EHBP1: variants seen among roughly 807,000 people sequenced by gnomAD.
The protein encoded by EHBP1 is EH domain-binding protein 1.
Under a neutral mutation model 144.0 loss-of-function variants are expected in EHBP1, and 55 were observed. That is an observed-to-expected ratio of 0.38 (90% CI 0.31 to 0.48). The LOEUF (loss-of-function observed/expected upper bound fraction) is 0.48, where lower values mean the gene tolerates loss of function less well. Ranked by LOEUF, EHBP1 falls within the 20% of genes least tolerant of loss-of-function variation. The pLI is 0.98. For synonymous variants in EHBP1, 469 were observed against 472.7 expected, an observed-to-expected ratio of 0.99 and a Z score of 0.10; for missense variants, 1,200 against 1,364.2, an observed-to-expected ratio of 0.88 and a Z score of 1.90.
At chr2:62,804,689 C>G (rs2044305967) in intron 5 of EHBP1, among the ~76,000 whole-genome samples, 1 of 152,144 alleles carries the variant, frequency 6.6e-6, no homozygotes, top group Admixed American at 6.6e-5. Context: ...TTGGGAGTAC[C>G]AATCCCCAGC....
In EHBP1 at chr2:62,948,480, A is replaced by G. The variant is rs768281768; in HGVS notation, c.1634A>G (p.Asp545Gly). 6.2e-7 allele frequency: 1 copy of G among 1,613,386 alleles called. No individual in the cohort carries two copies. The highest frequency in any genetic ancestry group is 8.5e-7 in the Non-Finnish European group (1 of 1,179,450). ...GAAACAGATACAAACAGTTCTGTTG[A>G]TCAAGAAAAATTCTATGCAGAGCTT... ...NYETDTNSSV[D>G]QEKFYAELSD... The change falls in exon 13 of 23, where the codon GAT becomes GGT. Residue 545 changes from aspartate (D) to glycine (G), a missense_variant. Asp to Gly is a moderately conservative substitution (Grantham distance 94). Coordinates refer to ENST00000431489, the MANE Select transcript of EHBP1 (RefSeq NM_001142616.3).
intron 9 of EHBP1, among the ~76,000 whole-genome samples, chr2:62,870,933 A>G (rs1236983367): frequency 7.9e-5 from 12 of 151,962 alleles, no homozygotes; most frequent in African/African-American, 2.9e-4. Context: ...ATCTCCAAAA[A>G]TCTCAGAGTT....
At chr2:62,846,272 G>A (rs2048292970) in intron 7 of EHBP1, among the ~76,000 whole-genome samples, 1 of 152,184 alleles carries the variant, frequency 6.6e-6, no homozygotes, top group Non-Finnish European at 1.5e-5. Flanking sequence ...TAAAAAAGAA[G>A]TCAGAAGCCT....
At chr2:63,037,167 C>T (rs1252144297) in intron 19 of EHBP1, among the ~76,000 whole-genome samples, 1 of 151,868 alleles carries the variant, frequency 6.6e-6, no homozygotes, top group Non-Finnish European at 1.5e-5. Context: ...TTATGAGTCT[C>T]ATAATGATTT....
chr2:63,019,835 GGAAGGAAGGAAGGAA>G (rs1559074892), intron 19 of EHBP1, among the ~76,000 whole-genome samples: 4,380 of 63,778 alleles, frequency 0.069, 278 homozygotes, highest in Non-Finnish European at 0.1. Flanking sequence ...GGGGAGGGAA[GGAAGGAAGGAAGGAA>G]GGAAGGAAGG....
intron 10 of EHBP1, among the ~76,000 whole-genome samples, chr2:62,879,702 T>C (rs2051228256): frequency 1.3e-5 from 2 of 151,098 alleles, no homozygotes; most frequent in African/African-American, 4.9e-5. Flanking sequence ...TTGAAAGAAA[T>C]CAGAGATGAC....
chr2:62,907,168 G>A (rs1462221778), intron 10 of EHBP1, among the ~76,000 whole-genome samples: 1 of 152,162 alleles, frequency 6.6e-6, no homozygotes, highest in African/African-American at 2.4e-5. Flanking sequence ...GAAGCATGGG[G>A]TTGTATAGTT....
intron 1 of EHBP1, among the ~76,000 whole-genome samples, chr2:62,696,892 T>C (rs1298702963): frequency 6.6e-6 from 1 of 152,184 alleles, no homozygotes; most frequent in Non-Finnish European, 1.5e-5. Flanking sequence ...ATTCTATCTC[T>C]AAGGATATCT....
At chr2:62,843,033 A>G (rs773196923) in intron 7 of EHBP1, among the ~76,000 whole-genome samples, 8 of 152,186 alleles carry the variant, frequency 5.3e-5, no homozygotes, top group Non-Finnish European at 1.2e-4. Flanking sequence ...AATTCCTGCA[A>G]GAGCAGTAAT....
intron 7 of EHBP1, among the ~76,000 whole-genome samples, chr2:62,844,731 A>G (rs928211083): frequency 6.6e-6 from 1 of 152,158 alleles, no homozygotes; most frequent in African/African-American, 2.4e-5. Flanking sequence ...AGTTTACAGT[A>G]AGCATTGTTA....
At chr2:62,912,143 T>C (rs1245882927) in intron 10 of EHBP1, among the ~76,000 whole-genome samples, 1 of 152,170 alleles carries the variant, frequency 6.6e-6, no homozygotes, top group Non-Finnish European at 1.5e-5. Context: ...ATGAGTGATA[T>C]GATATTAGAT....
At chr2:62,958,293 C>A (rs1280993287) in intron 14 of EHBP1, among the ~76,000 whole-genome samples, 3 of 151,974 alleles carry the variant, frequency 2.0e-5, no homozygotes, top group Non-Finnish European at 2.9e-5. Flanking sequence ...TTTGTAGTAC[C>A]CAGAAACAGG....
chr2:62,812,830 A>G (rs2045129321), intron 5 of EHBP1, among the ~76,000 whole-genome samples: 1 of 152,222 alleles, frequency 6.6e-6, no homozygotes, highest in African/African-American at 2.4e-5. Flanking sequence ...GACAGAATTT[A>G]TAATTAAAAG....
chr2:62,799,496 C>G (rs1182355395), intron 5 of EHBP1, among the ~76,000 whole-genome samples: 1 of 152,156 alleles, frequency 6.6e-6, no homozygotes, highest in African/African-American at 2.4e-5. Context: ...AATCACCTGC[C>G]TACCTTCCTG....
intron 3 of EHBP1, among the ~76,000 whole-genome samples, chr2:62,749,039 G>T (rs1367825892): frequency 6.6e-6 from 1 of 152,038 alleles, no homozygotes; most frequent in Non-Finnish European, 1.5e-5. Context: ...CAACGTGCAG[G>T]TTTGTTACAT....
intron 13 of EHBP1, among the ~76,000 whole-genome samples, chr2:62,954,071 T>C (rs2057554257): frequency 6.6e-6 from 1 of 152,196 alleles, no homozygotes; most frequent in South Asian, 2.1e-4. Flanking sequence ...CTTCTGAGAG[T>C]TGGTCTATTT....
At chr2:62,889,784 G>C (rs958033212) in intron 10 of EHBP1, among the ~76,000 whole-genome samples, 1 of 151,794 alleles carries the variant, frequency 6.6e-6, no homozygotes, top group Non-Finnish European at 1.5e-5. Flanking sequence ...TATCTATTCT[G>C]TGTCTATTTT....
chr2:62,823,466 A>ACT (rs1006946513), intron 5 of EHBP1, among the ~76,000 whole-genome samples: 45 of 151,134 alleles, frequency 3.0e-4, no homozygotes, highest in African/African-American at 1.0e-3. Context: ...TTCTCTCTAA[A>ACT]CTCTCTCTCT....
intron 1 of EHBP1, among the ~76,000 whole-genome samples, chr2:62,687,823 T>C (rs1367201165): frequency 6.6e-6 from 1 of 152,194 alleles, no homozygotes; most frequent in African/African-American, 2.4e-5. Context: ...TGTGTCCTTA[T>C]AAAGTATGAG....
Sources: gnomAD v4.1 joint callset for allele counts (sites outside exome capture counted in the v4.1 genomes callset) on GRCh38, gnomAD v4.1.1 for gene constraint, MANE v1.5 for transcripts, NCBI Gene and HGNC (gene_info 2026-07-23, HGNC 2026-07-21) for gene names.